The following SEC63 variants were observed in gnomAD, a reference collection of about 807,000 sequenced individuals.
The protein encoded by SEC63 is SEC63 protein translocation regulator.
Under a neutral mutation model 116.2 loss-of-function variants are expected in SEC63, and 56 were observed. That is an observed-to-expected ratio of 0.48 (90% confidence interval 0.39 to 0.60). SEC63 has a LOEUF of 0.60. Ranked by LOEUF, SEC63 falls within the 20% of genes least tolerant of loss-of-function variation. The pLI is 0.00. For synonymous variants in SEC63, 273 were observed against 294.6 expected, an observed-to-expected ratio of 0.93 and a Z score of 0.75; for missense variants, 668 against 900.0, an observed-to-expected ratio of 0.74 and a Z score of 3.30.
intron 19 of SEC63, 63 bp downstream of exon 19, chr6:107,876,501 A>G: frequency 3.1e-6 from 3 of 959,916 alleles, no homozygotes; most frequent in Non-Finnish European, 5.1e-6. Flanking sequence ...AAGATATATG[A>G]AGCAGCATGA....
intron 3 of SEC63, among the ~76,000 whole-genome samples, chr6:107,924,145 T>A (rs1032738946): frequency 2.7e-5 from 4 of 148,408 alleles, no homozygotes; most frequent in Admixed American, 2.0e-4. Flanking sequence ...GTGCCTGTAG[T>A]CCCAGCTACT....
chr6:107,888,169 T>C (rs762589233), intron 16 of SEC63, among the ~76,000 whole-genome samples: 8 of 152,236 alleles, frequency 5.3e-5, no homozygotes, highest in Non-Finnish European at 1.0e-4. Context: ...ATTGAATCTA[T>C]AAATTACTTT....
At chr6:107,881,919 G>A (rs1320761262) in intron 17 of SEC63, among the ~76,000 whole-genome samples, 1 of 152,138 alleles carries the variant, frequency 6.6e-6, no homozygotes, top group East Asian at 1.9e-4. Flanking sequence ...TTTAATGAAT[G>A]TATTTTTGGT....
Position 107,908,907 on chromosome 6 carries a change from GTTAC to G in SEC63, c.733+16_733+19del, listed in dbSNP as rs765086743. 3.5e-6 allele frequency: 5 copies of G among 1,424,884 alleles called. No individual in the cohort carries two copies. The highest frequency in any genetic ancestry group is 1.2e-5 in the South Asian group (1 of 86,240). The allele number at this position is 1,424,884 out of a possible 1,614,324, so 88.3% of individuals were successfully genotyped here. A position where few individuals can be genotyped will look rare whatever the true frequency, so the allele number is the denominator to read the frequency against. On this transcript the variant is annotated intron_variant, in intron 8 of 20. Coordinates refer to ENST00000369002, the MANE Select transcript of SEC63 (RefSeq NM_007214.5). ...ACAAAACAATGTGATTAATAGCAAA[GTTAC>G]TTAAAGTTTACTTACGTTTCATATC... is the stretch of plus-strand genomic sequence containing the variant.
At chr6:107,893,720 T>A (rs1232654497) in intron 15 of SEC63, 65 bp from the exon 16 acceptor site, 2 of 1,602,624 alleles carry the variant, frequency 1.2e-6, no homozygotes, top group Non-Finnish European at 1.7e-6. Context: ...GTTGTAGTAA[T>A]TTTTAGGTGG....
chr6:107,880,681 A>G (rs747122503), intron 18 of SEC63, among the ~76,000 whole-genome samples: 2 of 152,212 alleles, frequency 1.3e-5, no homozygotes, highest in Non-Finnish European at 2.9e-5. Flanking sequence ...ATGGACTGGG[A>G]CAACAATGAC....
At chr6:107,904,118 CA>C (rs34728125) in intron 11 of SEC63, among the ~76,000 whole-genome samples, 104,060 of 121,426 alleles carry the variant, frequency 0.86, 43,894 homozygotes, top group Middle Eastern at 0.89. Flanking sequence ...ACTCTGTCTC[CA>C]AAAAAAAAAA....
chr6:107,924,761 T>C (rs1583760649), intron 3 of SEC63, 57 bp downstream of exon 3: 1 of 831,898 alleles, frequency 1.2e-6, no homozygotes, highest in Non-Finnish European at 2.1e-6. Flanking sequence ...AATGAGGACC[T>C]ATAGCATTTT....
At chr6:107,929,360 G>T in intron 2 of SEC63, 55 bp downstream of exon 2, 1 of 881,112 alleles carries the variant, frequency 1.1e-6, no homozygotes, top group South Asian at 1.4e-5. Context: ...TATGTTGTAT[G>T]ACCTAGCAAA....
At chr6:107,913,555 G>T in intron 4 of SEC63, 128 bp from the exon 5 acceptor site, 1 of 762,146 alleles carries the variant, frequency 1.3e-6, no homozygotes, top group South Asian at 1.4e-5. Context: ...ATCAAGAAAA[G>T]TTTCTCTGAA....
At position 107,883,028 on chromosome 6, in the gene SEC63, T is replaced by C. The variant is rs1006056345; in HGVS notation, c.1793A>G (p.Asp598Gly). The change falls in exon 17 of 21, where the codon GAT becomes GGT. Residue 598 changes from aspartate (D) to glycine (G), a missense_variant. Physicochemically the swap from Asp to Gly is moderately conservative, Grantham distance 94. Transcript: ENST00000369002. ...GTTTTGTTTTTCATCTTGCTCTCTA[T>C]CAGAGTCTCTGTCACTACCATCATC... ...EKDDGSDRDSDREQDEKQNKD... is the reference protein window; with the variant it reads ...EKDDGSDRDSGREQDEKQNKD... The C allele has an allele frequency of 1.9e-6, 3 of 1,612,690 alleles. No individual in the cohort carries two copies. The highest frequency in any genetic ancestry group is 2.5e-6 in the Non-Finnish European group (3 of 1,179,424).
chr6:107,926,790 T>C (rs566503872), intron 2 of SEC63, among the ~76,000 whole-genome samples: 1 of 152,174 alleles, frequency 6.6e-6, no homozygotes, highest in South Asian at 2.1e-4. Context: ...ACCTAGGATA[T>C]GCTAAACCGT....
intron 14 of SEC63, among the ~76,000 whole-genome samples, chr6:107,897,251 G>GA (rs1252237729): frequency 2.6e-5 from 4 of 151,490 alleles, no homozygotes; most frequent in Non-Finnish European, 4.4e-5. Flanking sequence ...ACATTATCAG[G>GA]AAAAAAAATG....
At chr6:107,912,169 G>A (rs1787297072) in intron 6 of SEC63, among the ~76,000 whole-genome samples, 1 of 152,198 alleles carries the variant, frequency 6.6e-6, no homozygotes, top group Non-Finnish European at 1.5e-5. Flanking sequence ...GAAAGTTGAA[G>A]TAGGAATGTA....
intron 19 of SEC63, among the ~76,000 whole-genome samples, chr6:107,875,337 G>A (rs947151687): frequency 3.3e-5 from 5 of 152,178 alleles, no homozygotes; most frequent in South Asian, 4.1e-4. Flanking sequence ...TGGTGAATAC[G>A]GGTGGGGATC....
chr6:107,900,739 G>A (rs956324118), intron 13 of SEC63, among the ~76,000 whole-genome samples: 3 of 152,124 alleles, frequency 2.0e-5, no homozygotes, highest in African/African-American at 4.8e-5. Flanking sequence ...TCTCATAATA[G>A]TAACTTAGCA....
At chr6:107,877,263 T>C (rs1171958403) in intron 18 of SEC63, 2 of 152,402 alleles carry the variant, frequency 1.3e-5, no homozygotes, top group South Asian at 2.1e-4. Flanking sequence ...GGTAGGGAAG[T>C]ATCTTTCTAA....
chr6:107,913,066 A>G (rs1277573051), intron 5 of SEC63, among the ~76,000 whole-genome samples: 1 of 152,200 alleles, frequency 6.6e-6, no homozygotes, highest in Non-Finnish European at 1.5e-5. Flanking sequence ...AAACACTATG[A>G]ACACATGAGA....
At chr6:107,936,066 G>C (rs557924946) in intron 1 of SEC63, among the ~76,000 whole-genome samples, 2 of 152,286 alleles carry the variant, frequency 1.3e-5, no homozygotes, top group South Asian at 4.1e-4. Context: ...CATTTGATGA[G>C]GTTTTATAAG....
Sources: allele counts gnomAD v4.1 joint callset (sites outside exome capture counted in the v4.1 genomes callset), GRCh38; gene constraint gnomAD v4.1.1; transcripts MANE v1.5; gene names NCBI Gene and HGNC (gene_info 2026-07-23, HGNC 2026-07-21).